The following USP2 variants were observed in gnomAD, a reference collection of about 807,000 sequenced individuals.
The protein encoded by USP2 is ubiquitin carboxyl-terminal hydrolase 2.
Under a neutral mutation model 72.0 loss-of-function variants are expected in USP2, and 33 were observed. The observed-to-expected ratio is 0.46, with a 90% CI of 0.35 to 0.61. The LOEUF is 0.61. USP2 is among the 20% of genes least tolerant of loss of function. USP2 has a pLI of 0.01. For missense variants in USP2, 691 were observed against 797.8 expected, an observed-to-expected ratio of 0.87 and a Z score of 1.61; for synonymous variants, 296 against 312.5, an observed-to-expected ratio of 0.95 and a Z score of 0.56.
chr11:119,364,205 G>T (rs1376266069), intron 2 of USP2: 3 of 1,148,222 alleles, frequency 2.6e-6, no homozygotes, highest in Admixed American at 9.6e-5. Flanking sequence ...CGCTCCGGCC[G>T]ACTGGCGGCC....
chr11:119,371,542 C>T (rs1480618438), intron 2 of USP2, among the ~76,000 whole-genome samples: 1 of 152,110 alleles, frequency 6.6e-6, no homozygotes, highest in Non-Finnish European at 1.5e-5. Context: ...CCAAGACTCC[C>T]TAAGTCATAT....
In USP2 at chr11:119,381,629, G is replaced by C; in HGVS notation, c.-198C>G. ...TGACTCTCTCCCACCTCCGCCGGGG[G>C]CCCAGAAGGGACCTCCCCGGGAAAT... On this transcript the variant is annotated 5_prime_UTR_variant, in exon 1 of 13. Coordinates refer to ENST00000260187, the MANE Select transcript of USP2 (RefSeq NM_004205.5). The C allele has an allele frequency of 7.2e-7, 1 of 1,384,918 alleles. No individual in the cohort carries two copies. Among genetic ancestry groups the C allele is most frequent in the Non-Finnish European group, 9.9e-7 (1 of 1,013,482 alleles). 85.8% of individuals were successfully genotyped at this position (1,384,918 alleles called of 1,614,324 possible). A position where few individuals can be genotyped will look rare whatever the true frequency, so the allele number is the denominator to read the frequency against.
rs746493233 is a variant in USP2, at chr11:119,373,082, C to A, written c.399G>T (p.Gly133=). The A allele has an allele frequency of 6.2e-7, 1 of 1,614,086 alleles. No individual in the cohort carries two copies. The highest frequency in any genetic ancestry group is 2.2e-5 in the East Asian group (1 of 44,880). ...TGTCCAGCTTCTGGGTTAGGGTCAC[C>A]CCCTGGTCATAGGCATTGATGGGCA... is the stretch of plus-strand genomic sequence containing the variant. The part of the protein sequence containing the change: ...SYLPINAYDQ[G]VTLTQKLDSQ... The change falls in exon 2 of 13, where the codon GGG becomes GGT. Residue 133 remains glycine (G), a synonymous_variant. Transcript: ENST00000260187.
At chr11:119,361,487 G>A (rs1207951173) in intron 2 of USP2, among the ~76,000 whole-genome samples, 1 of 152,116 alleles carries the variant, frequency 6.6e-6, no homozygotes, top group Non-Finnish European at 1.5e-5. Context: ...ACTGGGGCAT[G>A]CGTGGGGCCA....
chr11:119,381,629 GC>G lies in USP2; in HGVS notation c.-199del, dbSNP rs2135416131. ...TGACTCTCTCCCACCTCCGCCGGGG[GC>G]CCAGAAGGGACCTCCCCGGGAAATC... On this transcript the variant is annotated 5_prime_UTR_variant, in exon 1 of 13. An upstream open reading frame in the 5' UTR loses its in-frame stop. Coordinates refer to ENST00000260187, the MANE Select transcript of USP2 (RefSeq NM_004205.5). 2 of 1,384,916 alleles carry G rather than the reference GC, an allele frequency of 1.4e-6. No individual in the cohort carries two copies. The highest frequency in any genetic ancestry group is 1.2e-5 in the South Asian group (1 of 80,242). 85.8% of individuals were successfully genotyped at this position (1,384,916 alleles called of 1,614,324 possible). A position where few individuals can be genotyped will look rare whatever the true frequency, so the allele number is the denominator to read the frequency against.
chr11:119,360,256 C>T (rs751594312), intron 2 of USP2, 22 bp from the exon 3 acceptor site: 2 of 1,613,388 alleles, frequency 1.2e-6, no homozygotes, highest in Admixed American at 3.3e-5. Flanking sequence ...GAACATATGG[C>T]AATAAGGTGG....
chr11:119,365,287 G>GAC (rs1372602641), intron 2 of USP2, among the ~76,000 whole-genome samples: 1 of 152,128 alleles, frequency 6.6e-6, no homozygotes, highest in Non-Finnish European at 1.5e-5. Flanking sequence ...CTGTGTCCAG[G>GAC]ACACACGTAT....
rs1005808582 is a variant in USP2 at position 119,364,168 on chromosome 11, C to A, written c.775-3934G>T. 5.8e-6 allele frequency: 7 copies of A among 1,199,284 alleles called. No individual in the cohort carries two copies. In the African/African-American group the frequency reaches 9.5e-5, roughly 16 times the overall value. 74.3% of individuals were successfully genotyped at this position (1,199,284 alleles called of 1,614,324 possible). ...CCGCCTCAACCTCCCCGGCGTGCGC[C>A]GCCAACAGCCCGGGTCCCGGCTCTC... On this transcript the variant is annotated intron_variant, in intron 2 of 12. Coordinates refer to ENST00000260187, the MANE Select transcript of USP2 (RefSeq NM_004205.5).
At chr11:119,377,015 TAAAA>T (rs1591336924) in intron 1 of USP2, among the ~76,000 whole-genome samples, 2 of 152,214 alleles carry the variant, frequency 1.3e-5, no homozygotes, top group African/African-American at 2.4e-5. Flanking sequence ...TTTTCACAAT[TAAAA>T]AATAAATATA....
chr11:119,372,944 G>T lies in USP2; in HGVS notation c.537C>A (p.Leu179=), dbSNP rs1207100117. Reference sequence around the variant, plus strand: ...TCTGGTAGAGCCCCTGCAGGGTGCAGAGCTCCTTGCGCGTCCGGGCCAGCA... The same window carrying T: ...TCTGGTAGAGCCCCTGCAGGGTGCATAGCTCCTTGCGCGTCCGGGCCAGCA... ...SPMLARTRKE[L]CTLQGLYQTA... is the part of the protein sequence containing the mutation. The change falls in exon 2 of 13, where the codon CTC becomes CTA. Residue 179 remains leucine, a synonymous_variant. Transcript: ENST00000260187. The T allele has an allele frequency of 3.1e-6, 5 of 1,613,638 alleles. No individual in the cohort carries two copies. Among genetic ancestry groups the T allele is most frequent in the African/African-American group, 1.3e-5 (1 of 74,938 alleles).
At chr11:119,362,403 C>G (rs969574711) in intron 2 of USP2, among the ~76,000 whole-genome samples, 1 of 151,824 alleles carries the variant, frequency 6.6e-6, no homozygotes, top group Admixed American at 6.6e-5. Flanking sequence ...TCCTTAGGAC[C>G]CTTGGTTGTT....
At chr11:119,362,011 G>C (rs1950772100) in intron 2 of USP2, among the ~76,000 whole-genome samples, 1 of 152,200 alleles carries the variant, frequency 6.6e-6, no homozygotes, top group Admixed American at 6.5e-5. Context: ...AAATGTTAAA[G>C]CTTGCCCACA....
rs201752542 is a variant in USP2, at chr11:119,357,209, A to G, written c.1708T>C (p.Trp570Arg). 1 of 1,613,312 alleles carries G rather than the reference A, an allele frequency of 6.2e-7. No homozygotes were observed. The highest frequency in any genetic ancestry group is 8.5e-7 in the Non-Finnish European group (1 of 1,179,826). Residue 570 changes from tryptophan (W) to arginine (R), a missense_variant, in exon 12 of 13, where the codon TGG (tryptophan) becomes CGG (arginine). By Grantham distance (101) the Trp-to-Arg change is moderately radical. Transcript: ENST00000260187. Reference sequence around the variant, plus strand: ...CACCTGGAGTCGTTGAAAGTGTGCCATTCTCCTGTCCCTGGACTGCGACAG... The same window carrying G: ...CACCTGGAGTCGTTGAAAGTGTGCCGTTCTCCTGTCCCTGGACTGCGACAG... ...AYCRSPGTGE[W>R]HTFNDSSVTP...
chr11:119,371,882 C>A (rs932996938), intron 2 of USP2, among the ~76,000 whole-genome samples: 5 of 152,206 alleles, frequency 3.3e-5, no homozygotes, highest in African/African-American at 9.7e-5. Context: ...GTGGGAGGCA[C>A]GTGGCAGGGG....
intron 2 of USP2, among the ~76,000 whole-genome samples, chr11:119,368,673 A>G (rs952505353): frequency 4.6e-5 from 7 of 152,214 alleles, no homozygotes. Flanking sequence ...GCGGAGGGCA[A>G]GGGTGTGGAA....
In USP2 at chr11:119,358,199, A is replaced by C. The variant is rs143418515; in HGVS notation, c.1291T>G (p.Cys431Gly). 1 of 1,613,886 alleles carries C rather than the reference A, an allele frequency of 6.2e-7. No homozygotes were observed. The highest frequency in any genetic ancestry group is 1.3e-5 in the African/African-American group (1 of 74,936). The change falls in exon 8 of 13, where the codon TGT becomes GGT. Residue 431 changes from cysteine (C) to glycine (G), a missense_variant. Physicochemically the swap from Cys to Gly is radical, Grantham distance 159. Coordinates refer to ENST00000260187, the MANE Select transcript of USP2 (RefSeq NM_004205.5). ...SSLTCTDCGY[C>G]STVFDPFWDL... is the part of the protein sequence containing the mutation. ...CAGAAGGGGTCGAAGACCGTAGAACAGTAACCACAATCTGTACACGTCAGC... is the reference window on the plus strand; with the variant it reads ...CAGAAGGGGTCGAAGACCGTAGAACCGTAACCACAATCTGTACACGTCAGC...
Position 119,359,666 on chromosome 11 carries a change from A to G in USP2, c.826-6T>C. On this transcript the variant is annotated splice_region_variant and splice_polypyrimidine_tract_variant and intron_variant, in intron 3 of 12. Transcript: ENST00000260187. ...AGAATTGAGTTCATGAAGCACTGCA[A>G]GAGATGACCAGGCAATCAGTGGGGA... is the stretch of plus-strand genomic sequence containing the variant. 1 of 1,612,950 alleles carries G rather than the reference A, an allele frequency of 6.2e-7. No homozygotes were observed. The highest frequency in any genetic ancestry group is 8.5e-7 in the Non-Finnish European group (1 of 1,179,864).
At chr11:119,374,828 C>T (rs1424942731) in intron 1 of USP2, among the ~76,000 whole-genome samples, 1 of 152,168 alleles carries the variant, frequency 6.6e-6, no homozygotes, top group African/African-American at 2.4e-5. Flanking sequence ...GATGGACTAG[C>T]TGGGTGATTT....
rs141343760 is a variant in USP2, at chr11:119,357,944, G to A, written c.1422+37C>T. On this transcript the variant is annotated intron_variant, in intron 9 of 12. Coordinates refer to ENST00000260187, the MANE Select transcript of USP2 (RefSeq NM_004205.5). ...TCAGCCTCTTCCCAGTAGGTCCCAC[G>A]GAAATTTGTTCTTGCTATTACCGAA... 6.3e-5 allele frequency: 102 copies of A among 1,613,938 alleles called. No homozygotes were observed. The African/African-American group carries it at 7.9e-4, about 12-fold the overall frequency.
Sources: allele counts gnomAD v4.1 joint callset (sites outside exome capture counted in the v4.1 genomes callset), GRCh38; gene constraint gnomAD v4.1.1; transcripts MANE v1.5; gene names NCBI Gene and HGNC (gene_info 2026-07-23, HGNC 2026-07-21).